SIM1: variants seen among roughly 807,000 people sequenced by gnomAD.
SIM1 encodes the protein single-minded homolog 1.
A neutral mutation model predicts 78.2 loss-of-function variants in SIM1; 18 were observed. The ratio of observed to expected loss-of-function variants is 0.23; its 90% CI spans 0.16 to 0.34. The LOEUF (loss-of-function observed/expected upper bound fraction) is 0.34. Ranked by LOEUF, SIM1 falls within the 10% of genes least tolerant of loss-of-function variation. The pLI, the probability that SIM1 is intolerant of heterozygous loss-of-function variation, is 1.00. For missense variants in SIM1, 939 were observed against 975.1 expected, an observed-to-expected ratio of 0.96 and a Z score of 0.49; for synonymous variants, 417 against 385.2, an observed-to-expected ratio of 1.08 and a Z score of -0.97.
intron 10 of SIM1, among the ~76,000 whole-genome samples, chr6:100,418,734 CA>C (rs918251353): frequency 2.6e-5 from 4 of 152,042 alleles, no homozygotes; most frequent in Non-Finnish European, 4.4e-5. Context: ...TCTATGTGTC[CA>C]ACACATCTAT....
At chr6:100,443,115 A>G (rs241812) in intron 9 of SIM1, among the ~76,000 whole-genome samples, 61,328 of 151,658 alleles carry the variant, frequency 0.4, 13,595 homozygotes, top group East Asian at 0.59. Flanking sequence ...TTTGGTATTT[A>G]GCCTAACTTT....
chr6:100,396,458 C>T (rs1770770657), intron 10 of SIM1, among the ~76,000 whole-genome samples: 1 of 152,028 alleles, frequency 6.6e-6, no homozygotes, highest in South Asian at 2.1e-4. Flanking sequence ...CAAGAGACAA[C>T]CTGGGCATAC....
chr6:100,454,537 A>G (rs1206210857), intron 2 of SIM1, among the ~76,000 whole-genome samples: 1 of 151,098 alleles, frequency 6.6e-6, no homozygotes, highest in African/African-American at 2.4e-5. Context: ...CAAAACCCGC[A>G]TAGGCTTTTT....
chr6:100,389,483 C>A lies in SIM1; in HGVS notation c.*878G>T. 2.5e-6 allele frequency: 1 copy of A among 396,708 alleles called. No homozygotes were observed. Among genetic ancestry groups the A allele is most frequent in the East Asian group, 3.6e-5 (1 of 28,034 alleles). 24.6% of individuals were successfully genotyped at this position (396,708 alleles called of 1,614,324 possible). On this transcript the variant is annotated 3_prime_UTR_variant, in exon 12 of 12. Coordinates refer to ENST00000369208, the MANE Select transcript of SIM1 (RefSeq NM_005068.3). ...TATTTAGTTGGTTTTACAAGCAAAC[C>A]CCAAATATGTTGTTTACTTATGCTG...
At position 100,463,364 on chromosome 6, in the gene SIM1, C is replaced by T. The variant is rs1772903800; in HGVS notation, c.105G>A (p.Ser35=). The change falls in exon 2 of 12, where the codon TCG becomes TCA. Residue 35 remains serine (S), a synonymous_variant. Transcript: ENST00000369208. ...KLLPLPSAIT[S]QLDKASIIRL... is the part of the protein sequence containing the mutation. The stretch of plus-strand genomic sequence containing the variant: ...TGATTATGGATGCTTTGTCCAGCTG[C>T]GAGGTGATAGCCGAGGGCAAAGGCA... The T allele has an allele frequency of 6.2e-7, 1 of 1,613,922 alleles. No individual in the cohort carries two copies. Among genetic ancestry groups the T allele is most frequent in the African/African-American group, 1.3e-5 (1 of 74,890 alleles).
intron 4 of SIM1, among the ~76,000 whole-genome samples, chr6:100,450,056 T>A (rs1430055534): frequency 6.6e-6 from 1 of 152,110 alleles, no homozygotes; most frequent in East Asian, 1.9e-4. Context: ...CTCAAAAAAG[T>A]AGCCATTGTT....
intron 8 of SIM1, among the ~76,000 whole-genome samples, chr6:100,447,751 C>T (rs1470844530): frequency 6.6e-6 from 1 of 152,228 alleles, no homozygotes; most frequent in African/African-American, 2.4e-5. Context: ...CCGGCGCTCA[C>T]GATCCCTGCC....
At chr6:100,393,216 A>C (rs1302326699) in intron 11 of SIM1, among the ~76,000 whole-genome samples, 2 of 152,218 alleles carry the variant, frequency 1.3e-5, no homozygotes, top group African/African-American at 4.8e-5. Context: ...CACACTACAA[A>C]TTCAATAGAC....
At chr6:100,456,260 T>G (rs1425256800) in intron 2 of SIM1, among the ~76,000 whole-genome samples, 1 of 152,070 alleles carries the variant, frequency 6.6e-6, no homozygotes, top group Non-Finnish European at 1.5e-5. Flanking sequence ...CGAAGTGGGG[T>G]AGAGACCTTC....
chr6:100,448,639 T>C lies in SIM1; in HGVS notation c.583A>G (p.Ser195Gly), dbSNP rs1432816097. ...CSGYLKIRQYSLDMSPFDGCY... is the reference protein window; with the variant it reads ...CSGYLKIRQYGLDMSPFDGCY... ...CCGTCGAAGGGGGACATGTCCAGGC[T>C]GTACTGGCGGATCTTCAAGTAGCCG... The change falls in exon 7 of 12, where the codon AGC becomes GGC. Residue 195 changes from serine (S) to glycine (G), a missense_variant. By Grantham distance (56) the Ser-to-Gly change is moderately conservative. Around this residue, in one of 5 missense-constraint regions of SIM1, gnomAD observed 187 missense variants for 191.6 expected, o/e 0.98. Coordinates refer to ENST00000369208, the MANE Select transcript of SIM1 (RefSeq NM_005068.3). 2.5e-6 allele frequency: 4 copies of C among 1,613,390 alleles called. No individual in the cohort carries two copies. The African/African-American group carries it at 5.3e-5, about 22-fold the overall frequency.
intron 10 of SIM1, among the ~76,000 whole-genome samples, chr6:100,398,264 A>T (rs1449432069): frequency 6.6e-6 from 1 of 152,102 alleles, no homozygotes; most frequent in Non-Finnish European, 1.5e-5. Flanking sequence ...TTCTTTTTCA[A>T]TGTGGAAAAA....
At chr6:100,420,387 C>T (rs1400256144) in intron 10 of SIM1, among the ~76,000 whole-genome samples, 2 of 152,076 alleles carry the variant, frequency 1.3e-5, no homozygotes, top group African/African-American at 4.8e-5. Flanking sequence ...CCTTTGCCTC[C>T]CCCTCTTAAT....
In SIM1 at chr6:100,455,722, G is replaced by A. The variant is rs528699438; in HGVS notation, c.176-1878C>T. On this transcript the variant is annotated intron_variant, in intron 2 of 11. Transcript: ENST00000369208. ...GCCGGGGCACTCGAGCGAGCCTGGA[G>A]CGGGCAAAGACTGCGTTGCGACTGG... Among the ~76,000 whole-genome samples, 44 of 152,340 alleles carry A rather than the reference G, an allele frequency of 2.9e-4. No individual in the cohort carries two copies. In the South Asian group the frequency reaches 3.7e-3, roughly 13 times the overall value.
At chr6:100,402,112 C>A (rs1357167808) in intron 10 of SIM1, among the ~76,000 whole-genome samples, 1 of 152,032 alleles carries the variant, frequency 6.6e-6, no homozygotes, top group Non-Finnish European at 1.5e-5. Flanking sequence ...CTAAAAAATA[C>A]AAATGGTACA....
rs957597451 is a variant in SIM1, at chr6:100,442,422, T to C, written c.998+4846A>G. Reference sequence around the variant, plus strand: ...TTGTTTTTATAATCATTAAGTTACATGAAAGATCATCTGAAAAGAACAACT... The same window carrying C: ...TTGTTTTTATAATCATTAAGTTACACGAAAGATCATCTGAAAAGAACAACT... On this transcript the variant is annotated intron_variant, in intron 9 of 11. Coordinates refer to ENST00000369208, the MANE Select transcript of SIM1 (RefSeq NM_005068.3). Among the ~76,000 whole-genome samples, 9 of 152,276 alleles carry C rather than the reference T, an allele frequency of 5.9e-5. No homozygotes were observed. In the South Asian group the frequency reaches 1.9e-3, roughly 32 times the overall value.
chr6:100,437,004 G>A (rs762572964), intron 9 of SIM1, among the ~76,000 whole-genome samples: 1 of 152,022 alleles, frequency 6.6e-6, no homozygotes, highest in Non-Finnish European at 1.5e-5. Context: ...TCAAAGTGCT[G>A]GGATGACAGG....
intron 11 of SIM1, among the ~76,000 whole-genome samples, chr6:100,393,034 AT>A (rs1770678781): frequency 6.6e-6 from 1 of 152,200 alleles, no homozygotes; most frequent in South Asian, 2.1e-4. Context: ...AAGGTTAAAC[AT>A]TTGAGATATG....
chr6:100,446,429 C>A (rs1000880541), intron 9 of SIM1, among the ~76,000 whole-genome samples: 1 of 152,136 alleles, frequency 6.6e-6, no homozygotes, highest in African/African-American at 2.4e-5. Flanking sequence ...GTGGGGAGAG[C>A]GCAACAGCAC....
intron 2 of SIM1, among the ~76,000 whole-genome samples, chr6:100,460,009 A>G (rs185740128): frequency 1.9e-4 from 29 of 152,338 alleles, no homozygotes; most frequent in African/African-American, 6.5e-4. Context: ...TTTGGAATAG[A>G]ATATGTCACT....
Sources: allele counts gnomAD v4.1 joint callset (sites outside exome capture counted in the v4.1 genomes callset), GRCh38; gene constraint gnomAD v4.1.1; regional missense constraint gnomAD v4.1.1; transcripts MANE v1.5; gene names NCBI Gene and HGNC (gene_info 2026-07-23, HGNC 2026-07-21).